The following CASK variants were observed in gnomAD, a reference collection of about 807,000 sequenced individuals.
CASK encodes peripheral plasma membrane protein CASK.
Under a neutral mutation model 82.9 loss-of-function variants are expected in CASK, and 4 were observed. The ratio of observed to expected loss-of-function variants is 0.05; its 90% CI spans 0.02 to 0.11. The LOEUF is 0.11. Ranked by LOEUF, CASK falls within the 10% of genes least tolerant of loss-of-function variation. The pLI is 1.00. For missense variants in CASK, 358 were observed against 720.9 expected (o/e 0.50, Z 5.76); for synonymous variants, 259 against 253.5 (o/e 1.02, Z -0.20).
At chrX:41,606,380 C>A (rs767634371) in intron 12 of CASK, among the ~76,000 whole-genome samples, 1 of 112,164 alleles carries the variant, frequency 8.9e-6, no homozygotes, top group Non-Finnish European at 1.9e-5. Context: ...ATTCTCCTGC[C>A]TCAGCCTCCT....
intron 12 of CASK, among the ~76,000 whole-genome samples, chrX:41,606,074 T>G (rs2065956339): frequency 8.9e-6 from 1 of 112,354 alleles, no homozygotes; most frequent in Non-Finnish European, 1.9e-5. Context: ...ATTAAAATTT[T>G]TTAAATGATT....
At chrX:41,629,233 C>T (rs368338120) in intron 9 of CASK, among the ~76,000 whole-genome samples, 7 of 111,705 alleles carry the variant, frequency 6.3e-5, no homozygotes, top group Admixed American at 5.7e-4. Flanking sequence ...ACGGCCTCAG[C>T]CTCCCAAAGT....
chrX:41,805,761 G>A (rs1026926880), intron 2 of CASK, among the ~76,000 whole-genome samples: 1 of 111,267 alleles, frequency 9.0e-6, no homozygotes, highest in African/African-American at 3.3e-5. Context: ...GGCCACTACT[G>A]GAGGACAGGC....
intron 3 of CASK, chrX:41,748,603 T>C (rs1427182647): frequency 3.4e-5 from 7 of 203,996 alleles, no homozygotes; most frequent in Non-Finnish European, 5.4e-5. Flanking sequence ...GGAATTCTTT[T>C]TCTAGGGATG....
At chrX:41,907,765 T>A (rs1163647178) in intron 1 of CASK, among the ~76,000 whole-genome samples, 1 of 111,432 alleles carries the variant, frequency 9.0e-6, no homozygotes, top group African/African-American at 3.3e-5. Context: ...GTACCTAACC[T>A]TTTTGGCATC....
intron 21 of CASK, among the ~76,000 whole-genome samples, chrX:41,544,707 A>C (rs954012895): frequency 9.4e-6 from 1 of 106,043 alleles, no homozygotes; most frequent in African/African-American, 3.4e-5. Context: ...ATCTCTACAA[A>C]AAAAAACAAA....
intron 2 of CASK, among the ~76,000 whole-genome samples, chrX:41,821,678 T>C (rs2070544447): frequency 8.9e-6 from 1 of 112,553 alleles, no homozygotes; most frequent in Non-Finnish European, 1.9e-5. Flanking sequence ...AACTTTGCTA[T>C]ATGCATGAAA....
chrX:41,809,365 T>C (rs1007966838), intron 2 of CASK, among the ~76,000 whole-genome samples: 2 of 112,100 alleles, frequency 1.8e-5, no homozygotes, highest in African/African-American at 3.2e-5. Flanking sequence ...ACATCTCACA[T>C]GGCTGGGTAC....
intron 2 of CASK, among the ~76,000 whole-genome samples, chrX:41,797,632 G>C (rs999286396): frequency 8.1e-5 from 9 of 111,677 alleles, no homozygotes; most frequent in African/African-American, 2.6e-4. Flanking sequence ...AGAAGTGACA[G>C]CAAGACAGTC....
chrX:41,682,083 GA>G (rs1321040441), intron 5 of CASK, among the ~76,000 whole-genome samples: 1 of 102,823 alleles, frequency 9.7e-6, no homozygotes, highest in Non-Finnish European at 2.0e-5. Flanking sequence ...AAAAGGAAAG[GA>G]AATTCATGAA....
intron 5 of CASK, among the ~76,000 whole-genome samples, chrX:41,715,559 T>C (rs1319648250): frequency 2.8e-5 from 3 of 106,103 alleles, no homozygotes; most frequent in African/African-American, 1.0e-4. Flanking sequence ...GAGGCGGAGG[T>C]TGCAGCGAGC....
chrX:41,838,715 G>A (rs1316875589), intron 2 of CASK, among the ~76,000 whole-genome samples: 6 of 110,867 alleles, frequency 5.4e-5, no homozygotes, highest in Non-Finnish European at 1.1e-4. Context: ...AGCCAAGATC[G>A]CGCCACTGAA....
At chrX:41,583,048 G>A (rs1470193315) in intron 14 of CASK, among the ~76,000 whole-genome samples, 1 of 111,854 alleles carries the variant, frequency 8.9e-6, no homozygotes, top group African/African-American at 3.2e-5. Flanking sequence ...CTTAGTGCCT[G>A]GCATAGTGTG....
At chrX:41,695,682 C>A (rs973745625) in intron 5 of CASK, 7 of 1,203,480 alleles carry the variant, frequency 5.8e-6, no homozygotes, top group Admixed American at 2.2e-5. Context: ...CAGCAGCTGG[C>A]CTTACTCCTC....
intron 5 of CASK, among the ~76,000 whole-genome samples, chrX:41,674,928 T>C (rs1159668857): frequency 1.9e-5 from 2 of 107,187 alleles, no homozygotes; most frequent in Non-Finnish European, 3.8e-5. Flanking sequence ...TAGGCAAGTA[T>C]CAAAAAAAAA....
intron 2 of CASK, among the ~76,000 whole-genome samples, chrX:41,816,230 T>A (rs759074852): frequency 1.8e-5 from 2 of 110,504 alleles, no homozygotes. Flanking sequence ...CAGTTCATGA[T>A]AATAACACAG....
intron 1 of CASK, among the ~76,000 whole-genome samples, chrX:41,864,671 T>TG (rs1368577305): frequency 8.9e-6 from 1 of 112,298 alleles, no homozygotes; most frequent in Non-Finnish European, 1.9e-5. Context: ...TAAATTCTTA[T>TG]GGGGGGTAAT....
chrX:41,654,389 G>A (rs1189184940), intron 8 of CASK, among the ~76,000 whole-genome samples: 1 of 111,775 alleles, frequency 8.9e-6, no homozygotes, highest in Non-Finnish European at 1.9e-5. Context: ...GGAAGAATAG[G>A]GCCGGATGCT....
intron 8 of CASK, among the ~76,000 whole-genome samples, chrX:41,648,837 C>T (rs1488490347): frequency 3.6e-5 from 4 of 111,642 alleles, no homozygotes; most frequent in East Asian, 2.8e-4. Context: ...ATGGTACCAG[C>T]TCCTCCTTGT....
Sources: gnomAD v4.1 joint callset for allele counts (sites outside exome capture counted in the v4.1 genomes callset) on GRCh38, gnomAD v4.1.1 for gene constraint, MANE v1.5 for transcripts, NCBI Gene and HGNC (gene_info 2026-07-23, HGNC 2026-07-21) for gene names.